Variants in LHFPL1 observed in about 807,000 individuals in gnomAD.
The protein encoded by LHFPL1 is LHFPL tetraspan subfamily member 1.
In LHFPL1, 4 loss-of-function variants were observed where a neutral mutation model predicts 12.1. The ratio of observed to expected loss-of-function variants is 0.33; its 90% confidence interval spans 0.16 to 0.76. The LOEUF (loss-of-function observed/expected upper bound fraction) is 0.76, where lower values mean the gene tolerates loss of function less well. LHFPL1 is among the 30% of genes least tolerant of loss of function. LHFPL1 has a pLI of 0.61. For missense variants in LHFPL1, 141 were observed against 174.1 expected, an observed-to-expected ratio of 0.81 and a Z score of 1.07; for synonymous variants, 52 against 61.9, an observed-to-expected ratio of 0.84 and a Z score of 0.75.
chrX:112,676,210 C>T (rs759045914), intron 1 of LHFPL1, among the ~76,000 whole-genome samples: 6 of 112,406 alleles, frequency 5.3e-5, no homozygotes, highest in African/African-American at 1.9e-4. Context: ...CCGGTTAAGT[C>T]GCTTTATATT....
chrX:112,647,561 CAT>C (rs1176274767), intron 3 of LHFPL1, among the ~76,000 whole-genome samples: 6 of 112,204 alleles, frequency 5.3e-5, no homozygotes, highest in Non-Finnish European at 9.4e-5. Flanking sequence ...GGCAAACAAA[CAT>C]ATGAAAAAAA....
At chrX:112,658,431 C>CAA (rs1160376369) in intron 3 of LHFPL1, among the ~76,000 whole-genome samples, 62 of 40,222 alleles carry the variant, frequency 1.5e-3, no homozygotes, top group African/African-American at 4.8e-3. Context: ...TCTCAAAAAA[C>CAA]AAAAAAAAAA....
chrX:112,636,775 C>T (rs5929420), intron 3 of LHFPL1, among the ~76,000 whole-genome samples: 6,496 of 112,057 alleles, frequency 0.058, 182 homozygotes, highest in Middle Eastern at 0.13. Flanking sequence ...TGGCTAAAGA[C>T]GTCACATTAA....
chrX:112,662,197 A>G (rs1353124165), intron 2 of LHFPL1, among the ~76,000 whole-genome samples: 1 of 112,563 alleles, frequency 8.9e-6, no homozygotes, highest in African/African-American at 3.2e-5. Flanking sequence ...CATGGGAGGG[A>G]CACTTGTCAT....
chrX:112,674,511 C>T (rs1489928230), intron 1 of LHFPL1, among the ~76,000 whole-genome samples: 1 of 110,559 alleles, frequency 9.0e-6, no homozygotes, highest in African/African-American at 3.3e-5. Flanking sequence ...AGACAACCCA[C>T]AGAGAGAGAA....
At chrX:112,662,156 T>A (rs1424127423) in intron 2 of LHFPL1, among the ~76,000 whole-genome samples, 1 of 112,549 alleles carries the variant, frequency 8.9e-6, no homozygotes, top group Non-Finnish European at 1.9e-5. Context: ...CTAATTACAA[T>A]CACGCCATAC....
At chrX:112,636,287 G>A (rs1930336782) in intron 3 of LHFPL1, among the ~76,000 whole-genome samples, 1 of 111,177 alleles carries the variant, frequency 9.0e-6, no homozygotes, top group South Asian at 3.8e-4. Context: ...GCAAATGGAG[G>A]ATATAGACAG....
chrX:112,675,978 T>C (rs922478275), intron 1 of LHFPL1, among the ~76,000 whole-genome samples: 6 of 112,291 alleles, frequency 5.3e-5, no homozygotes, highest in African/African-American at 1.6e-4. Flanking sequence ...AGAGATCCAA[T>C]TACTTAATAG....
chrX:112,637,405 G>A (rs747747380), intron 3 of LHFPL1, among the ~76,000 whole-genome samples: 1 of 111,793 alleles, frequency 8.9e-6, no homozygotes, highest in Admixed American at 9.5e-5. Flanking sequence ...CTGTCAATGG[G>A]TCATGATGAG....
intron 2 of LHFPL1, among the ~76,000 whole-genome samples, chrX:112,665,365 A>AT (rs1175883436): frequency 9.0e-6 from 1 of 110,577 alleles, no homozygotes; most frequent in Non-Finnish European, 1.9e-5. Context: ...TAATGTTTGT[A>AT]TTTTTAGTAG....
At chrX:112,672,786 A>G (rs1771573873) in intron 1 of LHFPL1, among the ~76,000 whole-genome samples, 1 of 111,928 alleles carries the variant, frequency 8.9e-6, no homozygotes, top group African/African-American at 3.2e-5. Context: ...GACACAGAGC[A>G]GGCAGTCCAT....
chrX:112,637,553 A>G (rs1275175214), intron 3 of LHFPL1, among the ~76,000 whole-genome samples: 1 of 112,302 alleles, frequency 8.9e-6, no homozygotes, highest in Non-Finnish European at 1.9e-5. Flanking sequence ...ATGCCAGCTT[A>G]GAAGCCAAGA....
chrX:112,636,045 G>A (rs1278320871), intron 3 of LHFPL1, among the ~76,000 whole-genome samples: 1 of 110,522 alleles, frequency 9.0e-6, no homozygotes, highest in African/African-American at 3.3e-5. Context: ...TTGGTGTGGG[G>A]GCAGGGGCAG....
At position 112,671,416 on chromosome X, in the gene LHFPL1, G is replaced by T; in HGVS notation, c.-14-12C>A. On this transcript the variant is annotated splice_polypyrimidine_tract_variant and intron_variant, in intron 1 of 3. Transcript: ENST00000371968. ...GGTCACAGGTTTCTCTGCAGGGATG[G>T]GGAGATGAGTTGGATCACAGCACCA... 1 of 1,211,324 alleles carries T rather than the reference G, an allele frequency of 8.3e-7. No homozygotes were observed. The highest frequency in any genetic ancestry group is 1.8e-5 in the South Asian group (1 of 56,979).
intron 1 of LHFPL1, among the ~76,000 whole-genome samples, chrX:112,672,041 T>G (rs759572522): frequency 1.9e-4 from 21 of 111,565 alleles, no homozygotes; most frequent in South Asian, 3.8e-4. Flanking sequence ...CAGCCAGGTT[T>G]AAATGGATAG....
intron 3 of LHFPL1, among the ~76,000 whole-genome samples, chrX:112,644,337 T>C (rs1930621466): frequency 9.0e-6 from 1 of 111,519 alleles, no homozygotes; most frequent in Admixed American, 9.5e-5. Flanking sequence ...AGGGATGCCT[T>C]AAGTAGATTG....
At chrX:112,659,935 G>T (rs1931126875) in intron 3 of LHFPL1, among the ~76,000 whole-genome samples, 1 of 112,384 alleles carries the variant, frequency 8.9e-6, no homozygotes, top group Admixed American at 9.4e-5. Flanking sequence ...TATGTGGTTG[G>T]ATGGCCTTGT....
chrX:112,656,411 T>A (rs989491881), intron 3 of LHFPL1, among the ~76,000 whole-genome samples: 2 of 110,708 alleles, frequency 1.8e-5, no homozygotes, highest in African/African-American at 6.6e-5. Context: ...ATAGCTAACA[T>A]CAATGCTTAA....
intron 3 of LHFPL1, among the ~76,000 whole-genome samples, chrX:112,648,289 G>A (rs774868762): frequency 9.9e-5 from 11 of 111,222 alleles, no homozygotes; most frequent in Non-Finnish European, 1.5e-4. Flanking sequence ...AAACCTGCAC[G>A]TTCTGCACAT....
Sources: allele counts gnomAD v4.1 joint callset (sites outside exome capture counted in the v4.1 genomes callset), GRCh38; gene constraint gnomAD v4.1.1; transcripts MANE v1.5; gene names NCBI Gene and HGNC (gene_info 2026-07-23, HGNC 2026-07-21).